Variants in FAM107B observed in about 807,000 individuals in gnomAD.
FAM107B encodes the protein protein FAM107B.
Under a neutral mutation model 31.5 loss-of-function variants are expected in FAM107B, and 21 were observed. The ratio of observed to expected loss-of-function variants is 0.67; its 90% confidence interval spans 0.47 to 0.96. FAM107B has a LOEUF of 0.96. FAM107B is among the 40% of genes least tolerant of loss of function. The probability of loss-of-function intolerance (pLI) is 0.00; values close to 1 mark genes in which losing one functional copy is unlikely to be tolerated. For missense variants in FAM107B, 452 were observed against 377.1 expected, an observed-to-expected ratio of 1.20 and a Z score of -1.64; for synonymous variants, 157 against 141.5, an observed-to-expected ratio of 1.11 and a Z score of -0.78.
At chr10:14,703,389 C>T (rs927971783) in intron 1 of FAM107B, among the ~76,000 whole-genome samples, 1 of 149,708 alleles carries the variant, frequency 6.7e-6, no homozygotes, top group Non-Finnish European at 1.5e-5. Flanking sequence ...AGGGCAGTGG[C>T]ATGATCTTGT....
intron 2 of FAM107B, among the ~76,000 whole-genome samples, chr10:14,660,826 C>T (rs138372713): frequency 1.2e-4 from 18 of 152,110 alleles, no homozygotes; most frequent in Non-Finnish European, 2.4e-4. Flanking sequence ...AGAAAAGGAA[C>T]ACATACCATG....
intron 1 of FAM107B, among the ~76,000 whole-genome samples, chr10:14,693,458 A>G (rs1199613612): frequency 2.0e-5 from 3 of 149,082 alleles, no homozygotes; most frequent in Non-Finnish European, 4.5e-5. Flanking sequence ...AGCCTCGGCG[A>G]CAGAGTGACA....
intron 1 of FAM107B, among the ~76,000 whole-genome samples, chr10:14,734,821 T>G (rs911817890): frequency 3.3e-5 from 5 of 152,202 alleles, no homozygotes; most frequent in African/African-American, 4.8e-5. Flanking sequence ...CTTGGCTCAC[T>G]GAGCTTTGTG....
chr10:14,582,715 A>G (rs1851682811), intron 2 of FAM107B, among the ~76,000 whole-genome samples: 1 of 151,974 alleles, frequency 6.6e-6, no homozygotes, highest in East Asian at 1.9e-4. Flanking sequence ...TACTTATTCC[A>G]TGGAGGCACA....
At chr10:14,709,830 A>G (rs1855599324) in intron 1 of FAM107B, among the ~76,000 whole-genome samples, 2 of 152,222 alleles carry the variant, frequency 1.3e-5, no homozygotes, top group Admixed American at 6.5e-5. Flanking sequence ...TGAAAAGACT[A>G]TATACTATAT....
intron 1 of FAM107B, among the ~76,000 whole-genome samples, chr10:14,722,127 A>G (rs1247148184): frequency 6.6e-6 from 1 of 152,212 alleles, no homozygotes; most frequent in Non-Finnish European, 1.5e-5. Context: ...TGCAAACATC[A>G]CTACTAATTC....
intron 1 of FAM107B, among the ~76,000 whole-genome samples, chr10:14,752,741 G>A (rs1277593149): frequency 6.6e-6 from 1 of 152,132 alleles, no homozygotes; most frequent in Non-Finnish European, 1.5e-5. Context: ...AGACCAGCCT[G>A]GGCAATGTGG....
intron 2 of FAM107B, among the ~76,000 whole-genome samples, chr10:14,625,710 C>T (rs930395574): frequency 1.3e-5 from 2 of 151,722 alleles, no homozygotes; most frequent in Non-Finnish European, 2.9e-5. Context: ...GTGAAATTCT[C>T]GTGGTTTCAG....
At chr10:14,694,425 C>T (rs867464547) in intron 1 of FAM107B, among the ~76,000 whole-genome samples, 2 of 152,210 alleles carry the variant, frequency 1.3e-5, no homozygotes, top group Middle Eastern at 3.4e-3. Context: ...CTCTTGTTGC[C>T]CAGGCTGGAG....
chr10:14,725,391 T>C (rs895962159), intron 1 of FAM107B, among the ~76,000 whole-genome samples: 1 of 152,234 alleles, frequency 6.6e-6, no homozygotes, highest in African/African-American at 2.4e-5. Flanking sequence ...GGATTTCATG[T>C]TCAATCAAAG....
At chr10:14,596,069 C>T (rs140504157) in intron 2 of FAM107B, among the ~76,000 whole-genome samples, 18 of 152,354 alleles carry the variant, frequency 1.2e-4, no homozygotes, top group South Asian at 6.2e-4. Context: ...TCTCTTCCTG[C>T]CCTGGCCGCT....
At chr10:14,556,731 T>C (rs1849734692) in intron 2 of FAM107B, among the ~76,000 whole-genome samples, 1 of 152,232 alleles carries the variant, frequency 6.6e-6, no homozygotes, top group African/African-American at 2.4e-5. Flanking sequence ...AAAACAAATA[T>C]AGCACCCAGG....
chr10:14,675,037 TC>T (rs1564621949), intron 1 of FAM107B, among the ~76,000 whole-genome samples: 1 of 152,228 alleles, frequency 6.6e-6, no homozygotes, highest in Non-Finnish European at 1.5e-5. Context: ...AAGCCCCTTC[TC>T]TGTGCTGATT....
intron 2 of FAM107B, among the ~76,000 whole-genome samples, chr10:14,559,118 CA>C (rs59285556): frequency 0.46 from 52,150 of 112,224 alleles, 10,020 homozygotes; most frequent in East Asian, 0.61. Flanking sequence ...AAAAAAAAAA[CA>C]AAAAAAAAAC....
chr10:14,556,234 G>T, intron 2 of FAM107B: 1 of 460,666 alleles, frequency 2.2e-6, no homozygotes, highest in Non-Finnish European at 2.9e-6. Context: ...ACTTTCCAGA[G>T]CCCTCGTCCT....
chr10:14,595,326 T>C (rs1202915052), intron 2 of FAM107B, among the ~76,000 whole-genome samples: 4 of 151,894 alleles, frequency 2.6e-5, no homozygotes, highest in African/African-American at 7.3e-5. Flanking sequence ...TAAATGCAGA[T>C]ATGTACAGAG....
rs540357660 is a variant in FAM107B, at chr10:14,654,874, T to C, written c.469+12760A>G. On this transcript the variant is annotated intron_variant, in intron 2 of 4. Transcript: ENST00000181796. Reference sequence around the variant, plus strand: ...CTGTGTTCAGAAAAGGTCAGAGAACTGTGTTCAGAAAAGGAATTTTAAGAA... The same window carrying C: ...CTGTGTTCAGAAAAGGTCAGAGAACCGTGTTCAGAAAAGGAATTTTAAGAA... 8.5e-5 allele frequency among the ~76,000 whole-genome samples: 13 copies of C among 152,284 alleles called. No individual in the cohort carries two copies. The East Asian group carries it at 1.7e-3, about 20-fold the overall frequency.
chr10:14,656,133 C>A (rs1441099233), intron 2 of FAM107B, among the ~76,000 whole-genome samples: 9 of 152,144 alleles, frequency 5.9e-5, no homozygotes, highest in African/African-American at 1.9e-4. Flanking sequence ...CCTTTAATGT[C>A]TTTTCAACCT....
intron 1 of FAM107B, among the ~76,000 whole-genome samples, chr10:14,693,840 T>C (rs1010055556): frequency 6.6e-6 from 1 of 152,240 alleles, no homozygotes; most frequent in Non-Finnish European, 1.5e-5. Flanking sequence ...TTTCCATATG[T>C]AAGTGACCAT....
Sources: allele counts gnomAD v4.1 joint callset (sites outside exome capture counted in the v4.1 genomes callset), GRCh38; gene constraint gnomAD v4.1.1; transcripts MANE v1.5; gene names NCBI Gene and HGNC (gene_info 2026-07-23, HGNC 2026-07-21).